NUP153: variants seen among roughly 807,000 people sequenced by gnomAD.
NUP153 encodes nucleoporin 153.
A neutral mutation model predicts 134.6 loss-of-function variants in NUP153; 27 were observed. That is an observed-to-expected ratio of 0.20 (90% confidence interval 0.15 to 0.28). The LOEUF (loss-of-function observed/expected upper bound fraction) is 0.28, where lower values mean the gene tolerates loss of function less well. Ranked by LOEUF, NUP153 falls within the 10% of genes least tolerant of loss-of-function variation. The pLI is 1.00. For missense variants in NUP153, 1,821 were observed against 1,731.3 expected, an observed-to-expected ratio of 1.05 and a Z score of -0.92; for synonymous variants, 640 against 623.5, an observed-to-expected ratio of 1.03 and a Z score of -0.40.
Position 17,662,078 on chromosome 6 carries a change from G to A in NUP153, c.1216-8C>T, listed in dbSNP as rs1266352283. 6.2e-7 allele frequency: 1 copy of A among 1,609,814 alleles called. No individual in the cohort carries two copies. The highest frequency in any genetic ancestry group is 1.3e-5 in the African/African-American group (1 of 74,680). On this transcript the variant is annotated splice_polypyrimidine_tract_variant and splice_region_variant and intron_variant, in intron 9 of 21. Transcript: ENST00000262077. The stretch of plus-strand genomic sequence containing the variant: ...ATTTTTTTCATATCCAGTCTGCAGG[G>A]GAAATACACACATATTTACGTTTGC...
At position 17,640,058 on chromosome 6, in the gene NUP153, T is replaced by C; in HGVS notation, c.1727A>G (p.His576Arg). 1 of 1,555,410 alleles carries C rather than the reference T, an allele frequency of 6.4e-7. No homozygotes were observed. Among genetic ancestry groups the C allele is most frequent in the South Asian group, 1.2e-5 (1 of 80,774 alleles). ...LEPIISSSAH[H>R]VTTVNSTNCK... Reference sequence around the variant, plus strand: ...ATTTGTACTGTTCACTGTAGTGACATGATGAGCTGTAATTTTTTTAAATTT... The same window carrying C: ...ATTTGTACTGTTCACTGTAGTGACACGATGAGCTGTAATTTTTTTAAATTT... Residue 576 changes from histidine to arginine, a missense_variant, in exon 15 of 22, where the codon CAT becomes CGT. By Grantham distance (29) the His-to-Arg change is conservative. Coordinates refer to ENST00000262077, the MANE Select transcript of NUP153 (RefSeq NM_005124.4).
intron 5 of NUP153, 32 bp downstream of exon 5, chr6:17,674,873 A>T (rs1768122574): frequency 1.4e-6 from 2 of 1,479,890 alleles, no homozygotes; most frequent in Non-Finnish European, 1.8e-6. Flanking sequence ...AAAAGAAAAA[A>T]AAAGATCATC....
At chr6:17,641,237 A>G (rs1368889330) in intron 14 of NUP153, among the ~76,000 whole-genome samples, 1 of 152,074 alleles carries the variant, frequency 6.6e-6, no homozygotes, top group Non-Finnish European at 1.5e-5. Flanking sequence ...CAAAAGAAAC[A>G]ATAAGAAACA....
intron 16 of NUP153, among the ~76,000 whole-genome samples, chr6:17,633,889 C>T (rs1191385789): frequency 6.6e-5 from 10 of 152,082 alleles, no homozygotes; most frequent in Admixed American, 6.5e-4. Flanking sequence ...ACTGTCCTCA[C>T]AAACTCTCAT....
chr6:17,667,649 G>A (rs1230349495), intron 8 of NUP153, among the ~76,000 whole-genome samples: 1 of 152,216 alleles, frequency 6.6e-6, no homozygotes, highest in South Asian at 2.1e-4. Context: ...TGGAGGTGGA[G>A]GTTGCAGTGA....
At position 17,649,257 on chromosome 6, in the gene NUP153, G is replaced by A; in HGVS notation, c.1439C>T (p.Thr480Ile). The A allele has an allele frequency of 1.2e-6, 2 of 1,613,898 alleles. No individual in the cohort carries two copies. Among genetic ancestry groups the A allele is most frequent in the Non-Finnish European group, 1.7e-6 (2 of 1,179,878 alleles). ...PVLPKISLPI[T>I]SSSLPTFNFS... ...ATTAAAGGTAGGCAGTGAAGAACTGGTGATCGGTAGAGAGATTTTCGGTAA... is the reference window on the plus strand; with the variant it reads ...ATTAAAGGTAGGCAGTGAAGAACTGATGATCGGTAGAGAGATTTTCGGTAA... The change falls in exon 12 of 22, where the codon ACC (threonine) becomes ATC (isoleucine). Residue 480 changes from threonine to isoleucine, a missense_variant. Transcript: ENST00000262077.
At chr6:17,665,568 C>A (rs1327352371) in intron 8 of NUP153, among the ~76,000 whole-genome samples, 183 bp from the exon 9 acceptor site, 1 of 152,042 alleles carries the variant, frequency 6.6e-6, no homozygotes, top group Non-Finnish European at 1.5e-5. Context: ...TATTCATATA[C>A]CTATGCACAT....
chr6:17,691,664 C>T (rs1201979788), intron 1 of NUP153, among the ~76,000 whole-genome samples: 1 of 151,996 alleles, frequency 6.6e-6, no homozygotes, highest in East Asian at 1.9e-4. Flanking sequence ...ACTAGAGAGG[C>T]TGAGGCAGGA....
chr6:17,648,620 A>C (rs1229810125), intron 12 of NUP153, among the ~76,000 whole-genome samples: 1 of 146,356 alleles, frequency 6.8e-6, no homozygotes, highest in Non-Finnish European at 1.5e-5. Flanking sequence ...CAAGCTGAAA[A>C]AATAAATAAA....
intron 20 of NUP153, among the ~76,000 whole-genome samples, chr6:17,620,095 CAAAAA>C (rs58013807): frequency 1.6e-4 from 10 of 62,996 alleles, no homozygotes; most frequent in South Asian, 5.4e-4. Flanking sequence ...AAGACACCAT[CAAAAA>C]AAAAAAAAAA....
rs2113772124 is a variant in NUP153, at chr6:17,628,804, A to C, written c.3395T>G (p.Val1132Gly). Residue 1132 changes from valine (V) to glycine (G), a missense_variant, in exon 18 of 22, where the codon GTG becomes GGG. By Grantham distance (109) the Val-to-Gly change is moderately radical. Transcript: ENST00000262077. This position sits in a 1 kb window ranked among gnomAD's most constrained non-coding sequence, Gnocchi z 5.4. ...TTGCTCTGAATTCCCAAAGGAAAAC[A>C]CTGGTTGACACTTTGGCTCTTCATT... is the stretch of plus-strand genomic sequence containing the variant. ...ADNEEPKCQP[V>G]FSFGNSEQTK... 6.2e-7 allele frequency: 1 copy of C among 1,614,182 alleles called. No individual in the cohort carries two copies. Among genetic ancestry groups the C allele is most frequent in the African/African-American group, 1.3e-5 (1 of 75,040 alleles).
At chr6:17,668,910 T>G (rs1200817770) in intron 8 of NUP153, 65 bp downstream of exon 8, 27 of 1,092,528 alleles carry the variant, frequency 2.5e-5, no homozygotes, top group Non-Finnish European at 5.4e-6. Flanking sequence ...ATTTGTATAC[T>G]TGTGAACTTT....
intron 1 of NUP153, among the ~76,000 whole-genome samples, chr6:17,703,904 C>G (rs1278478840): frequency 1.3e-5 from 2 of 152,156 alleles, no homozygotes; most frequent in Non-Finnish European, 2.9e-5. Context: ...AGCCTGAAGT[C>G]GTATCAACTC....
intron 5 of NUP153, 86 bp from the exon 6 acceptor site, chr6:17,669,632 G>T: frequency 1.1e-6 from 1 of 905,868 alleles, no homozygotes; most frequent in Non-Finnish European, 1.8e-6. Flanking sequence ...AAGATAGAAT[G>T]GATGTCCAAA....
rs1187782767 is a variant in NUP153, at chr6:17,706,576, G to A, written c.-189C>T. 20 of 584,442 alleles carry A rather than the reference G, an allele frequency of 3.4e-5. No individual in the cohort carries two copies. In the East Asian group the frequency reaches 6.0e-4, roughly 18 times the overall value. The allele number at this position is 584,442 out of a possible 1,614,324, so 36.2% of individuals were successfully genotyped here. ...CAGGAGCGGAGAGAGGGTGAGTGCT[G>A]GCAGCGGGGAAGGGGGTGGCGGCCG... On this transcript the variant is annotated 5_prime_UTR_variant, in exon 1 of 22. Coordinates refer to ENST00000262077, the MANE Select transcript of NUP153 (RefSeq NM_005124.4). The surrounding 1 kb of genome is among the most constrained non-coding windows in gnomAD (Gnocchi z 5.9).
chr6:17,629,168 T>C lies in NUP153; in HGVS notation c.3031A>G (p.Lys1011Glu), dbSNP rs550467067. 7 of 1,613,232 alleles carry C rather than the reference T, an allele frequency of 4.3e-6. No individual in the cohort carries two copies. The South Asian group carries it at 4.4e-5, about 10-fold the overall frequency. Residue 1011 changes from lysine to glutamate, a missense_variant, in exon 18 of 22, where the codon AAA (lysine) becomes GAA (glutamate). Lys to Glu is a moderately conservative substitution (Grantham distance 56). Transcript: ENST00000262077. Reference sequence around the variant, plus strand: ...GAGGAAGATTTGGGCAGTTCCTCTTTCTTTTCTTCCTGTCCAAGATTAGAT... The same window carrying C: ...GAGGAAGATTTGGGCAGTTCCTCTTCCTTTTCTTCCTGTCCAAGATTAGAT... The part of the protein sequence containing the change: ...GVSNLGQEEK[K>E]EELPKSSSAG...
At chr6:17,691,227 G>T (rs548645165) in intron 1 of NUP153, among the ~76,000 whole-genome samples, 1 of 152,164 alleles carries the variant, frequency 6.6e-6, no homozygotes, top group East Asian at 1.9e-4. Context: ...ATTTTCAATA[G>T]ATCTACAAGT....
intron 12 of NUP153, among the ~76,000 whole-genome samples, chr6:17,648,604 G>A (rs192883127): frequency 1.2e-4 from 18 of 151,970 alleles, no homozygotes; most frequent in African/African-American, 2.2e-4. Context: ...GTGACAGGGC[G>A]AGACTCAAGC....
In NUP153 at chr6:17,706,108, C is replaced by T. The variant is rs1446797274; in HGVS notation, c.111+169G>A. On this transcript the variant is annotated intron_variant, in intron 1 of 21. Transcript: ENST00000262077. The surrounding 1 kb of genome is among the most constrained non-coding windows in gnomAD (Gnocchi z 5.9). The stretch of plus-strand genomic sequence containing the variant: ...GCCGCAAGGCTGGGCCTGTCTCAGC[C>T]CACTTCCCGTCGCCACCCCCAACGG... The T allele has an allele frequency of 8.0e-6, 5 of 621,804 alleles. No homozygotes were observed. The highest frequency in any genetic ancestry group is 1.1e-5 in the Non-Finnish European group (4 of 354,488). The allele number at this position is 621,804 out of a possible 1,614,324, so 38.5% of individuals were successfully genotyped here.
Sources: allele counts gnomAD v4.1 joint callset (sites outside exome capture counted in the v4.1 genomes callset), GRCh38; gene constraint gnomAD v4.1.1; non-coding constraint Gnocchi (gnomAD v3.1); transcripts MANE v1.5; gene names NCBI Gene and HGNC (gene_info 2026-07-23, HGNC 2026-07-21).